ATRNL1: variants seen among roughly 807,000 people sequenced by gnomAD.
The protein encoded by ATRNL1 is attractin-like protein 1.
A neutral mutation model predicts 182.7 loss-of-function variants in ATRNL1; 95 were observed. The ratio of observed to expected loss-of-function variants is 0.52; its 90% CI spans 0.44 to 0.62. The LOEUF (loss-of-function observed/expected upper bound fraction) is 0.62, where lower values mean the gene tolerates loss of function less well. Among genes scored for constraint, ATRNL1 ranks in the 20% least tolerant of loss-of-function variants. The pLI is 0.00. For synonymous variants in ATRNL1, 576 were observed against 568.3 expected (o/e 1.01, Z -0.19); for missense variants, 1,471 against 1,679.5 (o/e 0.88, Z 2.17).
chr10:115,527,918 CCCTT>C (rs1412064681), intron 25 of ATRNL1, among the ~76,000 whole-genome samples: 1 of 75,544 alleles, frequency 1.3e-5, no homozygotes, highest in African/African-American at 5.2e-5. Flanking sequence ...CTTCCTTCCT[CCCTT>C]CCTCCCTCCT....
intron 5 of ATRNL1, among the ~76,000 whole-genome samples, chr10:115,135,775 T>C (rs1172971847): frequency 6.6e-6 from 1 of 152,222 alleles, no homozygotes; most frequent in Non-Finnish European, 1.5e-5. Flanking sequence ...GCTCCCTGAC[T>C]TCAAAGTATG....
chr10:115,595,156 G>A (rs568090542), intron 26 of ATRNL1, among the ~76,000 whole-genome samples: 159 of 152,166 alleles, frequency 1.0e-3, no homozygotes, highest in Non-Finnish European at 1.9e-3. Flanking sequence ...AGCTGTTCTG[G>A]CATTTTAATT....
At position 115,264,763 on chromosome 10, in the gene ATRNL1, C is replaced by T. The variant is rs534273058; in HGVS notation, c.1688-430C>T. ...CCTGATGATTATATTTTTAGGTATT[C>T]TTTCAGTGAACATTGTATCTGCCAT... is the stretch of plus-strand genomic sequence containing the variant. On this transcript the variant is annotated intron_variant, in intron 10 of 28. Coordinates refer to ENST00000355044, the MANE Select transcript of ATRNL1 (RefSeq NM_207303.4). 5.3e-5 allele frequency among the ~76,000 whole-genome samples: 8 copies of T among 151,542 alleles called. No homozygotes were observed. In the South Asian group the frequency reaches 8.3e-4, roughly 16 times the overall value.
At chr10:115,677,002 T>G (rs1945883905) in intron 26 of ATRNL1, among the ~76,000 whole-genome samples, 1 of 152,154 alleles carries the variant, frequency 6.6e-6, no homozygotes, top group Non-Finnish European at 1.5e-5. Context: ...TTACAGTACT[T>G]CTTCCATTGC....
intron 28 of ATRNL1, among the ~76,000 whole-genome samples, chr10:115,911,014 T>C (rs1026118144): frequency 6.6e-6 from 1 of 152,174 alleles, no homozygotes; most frequent in Non-Finnish European, 1.5e-5. Flanking sequence ...TATTTATTTA[T>C]TTATTTTGGA....
chr10:115,371,553 A>G (rs781937009), intron 19 of ATRNL1, among the ~76,000 whole-genome samples: 6 of 152,210 alleles, frequency 3.9e-5, no homozygotes, highest in Admixed American at 6.5e-5. Context: ...TTGGAGTTAC[A>G]TGGGGCCTGT....
intron 1 of ATRNL1, among the ~76,000 whole-genome samples, chr10:115,106,532 G>A (rs1844019632): frequency 1.3e-5 from 2 of 152,146 alleles, no homozygotes; most frequent in Non-Finnish European, 2.9e-5. Context: ...GCCTCAGTTT[G>A]AATTGTATCT....
chr10:115,795,675 G>A (rs137956591), intron 27 of ATRNL1, among the ~76,000 whole-genome samples: 241 of 152,262 alleles, frequency 1.6e-3, no homozygotes, highest in African/African-American at 5.6e-3. Flanking sequence ...GCTGGCAGGA[G>A]AGGGAGAGAG....
chr10:115,380,590 T>C (rs1857943276), intron 19 of ATRNL1, among the ~76,000 whole-genome samples: 1 of 152,158 alleles, frequency 6.6e-6, no homozygotes, highest in South Asian at 2.1e-4. Context: ...TTCTATAGGT[T>C]TTATTCTTCT....
chr10:115,919,074 A>C lies in ATRNL1; in HGVS notation c.4019-25584A>C, dbSNP rs530143063. ...TTCGCAGACATAACCCCATAGGAAG[A>C]AGAAATACCACCACTGAGGTCCACA... On this transcript the variant is annotated intron_variant, in intron 28 of 28. Transcript: ENST00000355044. Among the ~76,000 whole-genome samples, 3 of 152,352 alleles carry C rather than the reference A, an allele frequency of 2.0e-5. No individual in the cohort carries two copies. The South Asian group carries it at 6.2e-4, about 32-fold the overall frequency.
At chr10:115,584,904 C>G (rs1246511283) in intron 26 of ATRNL1, among the ~76,000 whole-genome samples, 3 of 150,200 alleles carry the variant, frequency 2.0e-5, no homozygotes, top group African/African-American at 7.4e-5. Flanking sequence ...AAATTTCCCT[C>G]TACACACTGC....
chr10:115,820,107 C>G (rs187827329), intron 27 of ATRNL1: 7 of 152,250 alleles, frequency 4.6e-5, no homozygotes, highest in African/African-American at 1.4e-4. Context: ...TGTACATCCT[C>G]TTTCAAAGCA....
chr10:115,296,135 A>G (rs1389484955), intron 15 of ATRNL1, among the ~76,000 whole-genome samples: 1 of 152,150 alleles, frequency 6.6e-6, no homozygotes, highest in African/African-American at 2.4e-5. Flanking sequence ...TTTGGTAGCA[A>G]TGGGGGCTGG....
chr10:115,420,898 C>T (rs1845621203), intron 20 of ATRNL1, among the ~76,000 whole-genome samples: 2 of 151,944 alleles, frequency 1.3e-5, no homozygotes, highest in African/African-American at 4.8e-5. Context: ...TACAAAGGAT[C>T]ATTAGAGACT....
At chr10:115,618,397 A>T (rs1006791134) in intron 26 of ATRNL1, among the ~76,000 whole-genome samples, 7 of 152,194 alleles carry the variant, frequency 4.6e-5, no homozygotes, top group Admixed American at 1.3e-4. Flanking sequence ...TTATTGTATT[A>T]AATAAGAATT....
In ATRNL1 at chr10:115,754,365, G is replaced by A. The variant is rs181501301; in HGVS notation, c.3903+27010G>A. ...AATTTCTCTATAAGGTGTAAGGAAG[G>A]GATCCAGTTTCAGCTTTCTGCATAT... On this transcript the variant is annotated intron_variant, in intron 27 of 28. Transcript: ENST00000355044. Among the ~76,000 whole-genome samples the A allele has an allele frequency of 4.9e-3, 739 of 152,188 alleles. 3 individuals carry two copies. The highest frequency in any genetic ancestry group is 7.6e-3 in the Non-Finnish European group (515 of 68,012).
chr10:115,663,225 G>C lies in ATRNL1; in HGVS notation c.3796-64023G>C, dbSNP rs74158219. On this transcript the variant is annotated intron_variant, in intron 26 of 28. Transcript: ENST00000355044. ...AGTAAACTGAGGTTCAAAGAATTTA[G>C]ATAACTTGATATGCTCACAGGCTAG... 9.8e-3 allele frequency among the ~76,000 whole-genome samples: 1,497 copies of C among 152,050 alleles called. 19 individuals are homozygous for C. The highest frequency in any genetic ancestry group is 0.034 in the African/African-American group (1,421 of 41,474).
At chr10:115,655,211 G>A (rs1555035460) in intron 26 of ATRNL1, among the ~76,000 whole-genome samples, 1 of 152,162 alleles carries the variant, frequency 6.6e-6, no homozygotes, top group African/African-American at 2.4e-5. Context: ...TCACAGTCAT[G>A]ATTTAACTAT....
chr10:115,170,242 G>A (rs1554885227), intron 7 of ATRNL1, among the ~76,000 whole-genome samples: 1 of 152,082 alleles, frequency 6.6e-6, no homozygotes. Context: ...TCACTGTTAG[G>A]TATAATGTTA....
Sources: allele counts gnomAD v4.1 joint callset (sites outside exome capture counted in the v4.1 genomes callset), GRCh38; gene constraint gnomAD v4.1.1; transcripts MANE v1.5; gene names NCBI Gene and HGNC (gene_info 2026-07-23, HGNC 2026-07-21).